Variants in NUP107 observed in about 807,000 individuals in gnomAD.
The protein encoded by NUP107 is nucleoporin 107.
NUP107 carries 101 observed loss-of-function variants against 141.0 expected under a neutral mutation model. The ratio of observed to expected loss-of-function variants is 0.72; its 90% CI spans 0.61 to 0.84. NUP107 has a LOEUF of 0.84. Among genes scored for constraint, NUP107 ranks in the 40% least tolerant of loss-of-function variants. The pLI is 0.00. For synonymous variants in NUP107, 319 were observed against 363.9 expected (o/e 0.88, Z 1.41); for missense variants, 941 against 1,102.7 (o/e 0.85, Z 2.08).
In NUP107 at chr12:68,744,252, T is replaced by G. The variant is rs976286438; in HGVS notation, c.*1790T>G. 6.6e-6 allele frequency: 1 copy of G among 152,212 alleles called. No homozygotes were observed. The allele number at this position is 152,212 out of a possible 1,614,324, so 9.4% of individuals were successfully genotyped here. On this transcript the variant is annotated 3_prime_UTR_variant, in exon 28 of 28. Coordinates refer to ENST00000229179, the MANE Select transcript of NUP107 (RefSeq NM_020401.4). The stretch of plus-strand genomic sequence containing the variant: ...ATGTCCCCCACTCTGTATTTGTCTT[T>G]TGTTGTGCCTTGTTTTTTGAATGTC...
chr12:68,706,017 G>A (rs1000696975), intron 8 of NUP107: 3 of 859,636 alleles, frequency 3.5e-6, no homozygotes, highest in Middle Eastern at 3.2e-4. Context: ...CCCTGCAGCG[G>A]CAGAAGACGG....
intron 8 of NUP107, 36 bp downstream of exon 8, chr12:68,702,820 A>C: frequency 8.3e-7 from 1 of 1,204,126 alleles, no homozygotes; most frequent in Non-Finnish European, 1.2e-6. Flanking sequence ...TTATAAATAC[A>C]TACAAATTAA....
Position 68,744,286 on chromosome 12 carries a change from A to C in NUP107, c.*1824A>C, listed in dbSNP as rs1411113355. The C allele has an allele frequency of 3.3e-5, 5 of 152,192 alleles. No homozygotes were observed. Among genetic ancestry groups the C allele is most frequent in the Non-Finnish European group, 4.4e-5 (3 of 68,034 alleles). 9.4% of individuals were successfully genotyped at this position (152,192 alleles called of 1,614,324 possible). ...CTTGTTTTTTGAATGTCCTTTAAAA[A>C]ACACAGCACAGAAACCCACTAAGGT... is the stretch of plus-strand genomic sequence containing the variant. On this transcript the variant is annotated 3_prime_UTR_variant, in exon 28 of 28. Transcript: ENST00000229179.
At chr12:68,697,259 C>G (rs1876110671) in intron 6 of NUP107, among the ~76,000 whole-genome samples, 1 of 152,062 alleles carries the variant, frequency 6.6e-6, no homozygotes, top group Non-Finnish European at 1.5e-5. Context: ...AAGGCCTTGT[C>G]TCTACAAGAA....
intron 25 of NUP107, 49 bp downstream of exon 25, chr12:68,734,882 G>T: frequency 6.3e-7 from 1 of 1,576,068 alleles, no homozygotes; most frequent in Non-Finnish European, 8.6e-7. Context: ...TTATAAATGT[G>T]TGTTGTATAT....
In NUP107 at chr12:68,742,955, C is replaced by A. The variant is rs906278927; in HGVS notation, c.*493C>A. ...TTGAAGACATTTCTAGTTTAACTTT[C>A]ATTTAGCAAACTTCCTATCAAAATA... is the stretch of plus-strand genomic sequence containing the variant. On this transcript the variant is annotated 3_prime_UTR_variant, in exon 28 of 28. Transcript: ENST00000229179. The A allele has an allele frequency of 6.6e-6, 1 of 152,472 alleles. No homozygotes were observed. The highest frequency in any genetic ancestry group is 2.4e-5 in the African/African-American group (1 of 41,440). 9.4% of individuals were successfully genotyped at this position (152,472 alleles called of 1,614,324 possible).
chr12:68,722,881 G>T (rs577427940), intron 17 of NUP107, among the ~76,000 whole-genome samples: 1 of 152,152 alleles, frequency 6.6e-6, no homozygotes, highest in East Asian at 1.9e-4. Flanking sequence ...TATTTCTAGT[G>T]CTGTAATGAA....
rs531257010 is a variant in NUP107, at chr12:68,711,028, G to A, written c.890+935G>A. ...TCCCAGCACTTTGGGAGGCTGAGGC[G>A]GGTGGATCACGAAGTCAGGAGATCA... On this transcript the variant is annotated intron_variant, in intron 10 of 27. Coordinates refer to ENST00000229179, the MANE Select transcript of NUP107 (RefSeq NM_020401.4). Among the ~76,000 whole-genome samples the A allele has an allele frequency of 1.8e-4, 28 of 152,016 alleles. 1 individual carries two copies. The highest frequency in any genetic ancestry group is 1.4e-3 in the Admixed American group (21 of 15,200).
chr12:68,708,833 G>A (rs946307117), intron 8 of NUP107, among the ~76,000 whole-genome samples: 2 of 152,124 alleles, frequency 1.3e-5, no homozygotes, highest in Admixed American at 6.6e-5. Context: ...TGGCCAGACT[G>A]GTCTCGAACT....
intron 8 of NUP107, among the ~76,000 whole-genome samples, chr12:68,707,967 G>A (rs530148569): frequency 1.3e-5 from 2 of 151,980 alleles, no homozygotes; most frequent in African/African-American, 4.8e-5. Flanking sequence ...GTGGTGGCAG[G>A]CACCTCCCTT....
chr12:68,705,891 T>C, intron 8 of NUP107: 1 of 862,432 alleles, frequency 1.2e-6, no homozygotes, highest in Non-Finnish European at 2.0e-6. Flanking sequence ...ACATCCAAGC[T>C]GTGTGCACCC....
intron 20 of NUP107, among the ~76,000 whole-genome samples, chr12:68,727,785 TTG>T (rs1877627647): frequency 1.3e-5 from 2 of 152,176 alleles, no homozygotes; most frequent in Non-Finnish European, 2.9e-5. Context: ...TGTCCCACAG[TTG>T]GCCCTGCAGA....
At chr12:68,729,937 G>C (rs1390296497) in intron 20 of NUP107, among the ~76,000 whole-genome samples, 1 of 150,852 alleles carries the variant, frequency 6.6e-6, no homozygotes, top group Non-Finnish European at 1.5e-5. Flanking sequence ...TCCAAAAAAT[G>C]TTCTAATATA....
At chr12:68,725,207 T>G (rs949026503) in intron 17 of NUP107, among the ~76,000 whole-genome samples, 17 of 151,960 alleles carry the variant, frequency 1.1e-4, no homozygotes, top group African/African-American at 3.9e-4. Context: ...AAAAATGAAC[T>G]ATATTCTTCA....
chr12:68,719,853 A>C lies in NUP107; in HGVS notation c.1251+199A>C, dbSNP rs1432597637. Among the ~76,000 whole-genome samples the C allele has an allele frequency of 1.3e-5, 2 of 152,222 alleles. 1 individual carries two copies. ...AATTAAACACTGATATAAGGCAGAA[A>C]AGTAAAGGAGGTACCAAATGAATTT... On this transcript the variant is annotated intron_variant, in intron 14 of 27. Transcript: ENST00000229179.
intron 1 of NUP107, among the ~76,000 whole-genome samples, chr12:68,688,761 A>G (rs967394564): frequency 2.6e-5 from 4 of 152,198 alleles, no homozygotes; most frequent in African/African-American, 9.6e-5. Flanking sequence ...GTCTTTGTGC[A>G]GGTAAGATTT....
At chr12:68,693,679 A>G (rs766137599) in intron 5 of NUP107, among the ~76,000 whole-genome samples, 12 of 152,128 alleles carry the variant, frequency 7.9e-5, no homozygotes, top group Admixed American at 1.3e-4. Flanking sequence ...GGTTATGGCA[A>G]TGGTATTTGA....
At chr12:68,738,241 A>C (rs922723349) in intron 26 of NUP107, among the ~76,000 whole-genome samples, 4 of 152,058 alleles carry the variant, frequency 2.6e-5, no homozygotes, top group African/African-American at 7.2e-5. Context: ...GCGCCACTGC[A>C]CTCCAGCCTG....
intron 12 of NUP107, among the ~76,000 whole-genome samples, chr12:68,716,704 G>C (rs1474158601): frequency 6.6e-6 from 1 of 152,136 alleles, no homozygotes; most frequent in East Asian, 1.9e-4. Context: ...AGAATGATAA[G>C]TATCTAATTG....
Sources: gnomAD v4.1 joint callset for allele counts (sites outside exome capture counted in the v4.1 genomes callset) on GRCh38, gnomAD v4.1.1 for gene constraint, MANE v1.5 for transcripts, NCBI Gene and HGNC (gene_info 2026-07-23, HGNC 2026-07-21) for gene names.